Variants in CSRNP3 observed in about 807,000 individuals in gnomAD.
CSRNP3 encodes cysteine/serine-rich nuclear protein 3.
CSRNP3 carries 12 observed loss-of-function variants against 48.0 expected under a neutral mutation model. The ratio of observed to expected loss-of-function variants is 0.25; its 90% CI spans 0.16 to 0.41. The LOEUF is 0.41. Among genes scored for constraint, CSRNP3 ranks in the 10% least tolerant of loss-of-function variants. CSRNP3 has a pLI of 1.00. For missense variants in CSRNP3, 580 were observed against 724.4 expected (o/e 0.80, Z 2.29); for synonymous variants, 263 against 269.7 (o/e 0.98, Z 0.24).
intron 3 of CSRNP3, among the ~76,000 whole-genome samples, chr2:165,565,927 A>G (rs1030496835): frequency 4.6e-5 from 7 of 151,808 alleles, no homozygotes; most frequent in Non-Finnish European, 7.4e-5. Flanking sequence ...CAAAATAAGC[A>G]CTCTTTGTTC....
intron 5 of CSRNP3, among the ~76,000 whole-genome samples, chr2:165,667,529 A>G (rs1000511221): frequency 7.2e-5 from 11 of 152,190 alleles, no homozygotes; most frequent in African/African-American, 1.9e-4. Context: ...CTGCACAACC[A>G]TAACTTCAAG....
At chr2:165,674,178 C>T (rs1229855645) in intron 5 of CSRNP3, among the ~76,000 whole-genome samples, 2 of 151,962 alleles carry the variant, frequency 1.3e-5, no homozygotes, top group African/African-American at 4.8e-5. Context: ...ATCATGCTAC[C>T]CAAGTCCTGG....
At chr2:165,495,923 C>T (rs968558902) in intron 2 of CSRNP3, among the ~76,000 whole-genome samples, 4 of 151,756 alleles carry the variant, frequency 2.6e-5, no homozygotes, top group East Asian at 1.9e-4. Flanking sequence ...TGTAGCAAGC[C>T]GATATGGCAC....
At chr2:165,561,962 TATTA>T (rs1295397571) in intron 3 of CSRNP3, among the ~76,000 whole-genome samples, 2 of 152,154 alleles carry the variant, frequency 1.3e-5, no homozygotes, top group African/African-American at 2.4e-5. Flanking sequence ...TTATATGTAA[TATTA>T]ATTAACACAT....
intron 4 of CSRNP3, among the ~76,000 whole-genome samples, chr2:165,615,985 C>T (rs1355358420): frequency 1.3e-5 from 2 of 150,286 alleles, no homozygotes; most frequent in Non-Finnish European, 2.9e-5. Flanking sequence ...CCTGCCTCAG[C>T]CTTCTGAGTC....
rs115735670 is a variant in CSRNP3, at chr2:165,588,360, A to G, written c.-23-6683A>G. 6.4e-3 allele frequency among the ~76,000 whole-genome samples: 976 copies of G among 152,336 alleles called. 10 individuals are homozygous for G. The highest frequency in any genetic ancestry group is 0.023 in the African/African-American group (942 of 41,568). ...TCCTAAGGCAATCTGAAGCTACTTA[A>G]GAGTTTTAAGCCATAGACTGACATG... On this transcript the variant is annotated intron_variant, in intron 3 of 6. Transcript: ENST00000651982.
intron 3 of CSRNP3, chr2:165,574,347 T>C: frequency 6.5e-7 from 1 of 1,549,472 alleles, no homozygotes; most frequent in Middle Eastern, 1.7e-4. Context: ...AGCAGTGTTT[T>C]GCAGCAGTTA....
chr2:165,599,304 A>AGAAAGAAAGAAAGAAG, intron 4 of CSRNP3, among the ~76,000 whole-genome samples: 4 of 150,896 alleles, frequency 2.7e-5, no homozygotes, highest in African/African-American at 9.8e-5. Flanking sequence ...AAAGAAAGAA[A>AGAAAGAAAGAAAGAAG]GAAAGAAAGA....
Position 165,687,626 on chromosome 2 carries a change from A to G in CSRNP3, c.*7873A>G, listed in dbSNP as rs1687651459. 2 of 152,050 alleles carry G rather than the reference A, an allele frequency of 1.3e-5. No individual in the cohort carries two copies. The highest frequency in any genetic ancestry group is 4.8e-5 in the African/African-American group (2 of 41,422). The allele number at this position is 152,050 out of a possible 1,614,324, so 9.4% of individuals were successfully genotyped here. ...CTGATGGAATAAAATGACTCCAGAG[A>G]TTTACACAGCCACCATTTGATCCCA... On this transcript the variant is annotated 3_prime_UTR_variant, in exon 7 of 7. Transcript: ENST00000651982.
At position 165,682,366 on chromosome 2, in the gene CSRNP3, C is replaced by A. The variant is rs558194703; in HGVS notation, c.*2613C>A. The A allele has an allele frequency of 6.6e-6, 1 of 152,178 alleles. No individual in the cohort carries two copies. The highest frequency in any genetic ancestry group is 2.4e-5 in the African/African-American group (1 of 41,532). 9.4% of individuals were successfully genotyped at this position (152,178 alleles called of 1,614,324 possible). On this transcript the variant is annotated 3_prime_UTR_variant, in exon 7 of 7. Transcript: ENST00000651982. The stretch of plus-strand genomic sequence containing the variant: ...CTATTCCAACTTTTCATATACCTGA[C>A]TAACCTGTAAACATATCCCACAAAC...
At position 165,599,283 on chromosome 2, in the gene CSRNP3, G is replaced by GAGAGAGAAAGAA. The variant is rs1553478328; in HGVS notation, c.148+4073_148+4074insGAGAAAGAAAGA. On this transcript the variant is annotated intron_variant, in intron 4 of 6. Coordinates refer to ENST00000651982, the MANE Select transcript of CSRNP3 (RefSeq NM_001172173.2). The stretch of plus-strand genomic sequence containing the variant: ...AAAGAAAAAGAAAGAAAGAGAGAGA[G>GAGAGAGAAAGAA]AGAAAGAAAGAAAGAAAGAAAGAAA... Among the ~76,000 whole-genome samples the GAGAGAGAAAGAA allele has an allele frequency of 8.4e-4, 88 of 104,826 alleles. 1 individual carries two copies. The highest frequency in any genetic ancestry group is 1.4e-3 in the South Asian group (4 of 2,818). 68.8% of individuals were successfully genotyped at this position (104,826 alleles called of 152,430 possible). A position where few individuals can be genotyped will look rare whatever the true frequency, so the allele number is the denominator to read the frequency against.
chr2:165,580,915 G>A (rs1275401185), intron 3 of CSRNP3, among the ~76,000 whole-genome samples: 2 of 151,686 alleles, frequency 1.3e-5, no homozygotes, highest in Non-Finnish European at 2.9e-5. Flanking sequence ...AAGGAATTAG[G>A]CTAAGTACTA....
intron 3 of CSRNP3, among the ~76,000 whole-genome samples, chr2:165,537,186 C>T (rs1025892579): frequency 6.6e-6 from 1 of 151,360 alleles, no homozygotes; most frequent in Non-Finnish European, 1.5e-5. Flanking sequence ...GCTAACAAAC[C>T]CAACTGTTAC....
At chr2:165,542,920 C>A (rs1176343891) in intron 3 of CSRNP3, among the ~76,000 whole-genome samples, 1 of 152,102 alleles carries the variant, frequency 6.6e-6, no homozygotes, top group Non-Finnish European at 1.5e-5. Flanking sequence ...TAGCAAATCC[C>A]AATTTTTTTC....
intron 3 of CSRNP3, among the ~76,000 whole-genome samples, chr2:165,547,302 G>T (rs1355737357): frequency 6.6e-6 from 1 of 152,146 alleles, no homozygotes; most frequent in Non-Finnish European, 1.5e-5. Flanking sequence ...TGGAGAATGT[G>T]TTTCTGGACA....
intron 4 of CSRNP3, among the ~76,000 whole-genome samples, chr2:165,655,442 C>A (rs1282239950): frequency 6.6e-6 from 1 of 152,136 alleles, no homozygotes; most frequent in African/African-American, 2.4e-5. Flanking sequence ...TGAGATAATT[C>A]ATGTAAAGTT....
intron 1 of CSRNP3, among the ~76,000 whole-genome samples, chr2:165,471,607 C>T (rs1248367536): frequency 1.3e-5 from 2 of 151,918 alleles, no homozygotes; most frequent in African/African-American, 4.8e-5. Context: ...AAAATATCAC[C>T]CTTTTAATAA....
intron 4 of CSRNP3, among the ~76,000 whole-genome samples, chr2:165,617,070 T>A (rs1004714858): frequency 6.6e-6 from 1 of 152,094 alleles, no homozygotes; most frequent in Non-Finnish European, 1.5e-5. Context: ...ATTTTCTAAT[T>A]TTTTTATTGT....
intron 3 of CSRNP3, among the ~76,000 whole-genome samples, chr2:165,580,872 T>C (rs1176158090): frequency 6.6e-6 from 1 of 151,992 alleles, no homozygotes; most frequent in Non-Finnish European, 1.5e-5. Flanking sequence ...TTGTTTTTTT[T>C]TTCCTCAATG....
Sources: gnomAD v4.1 joint callset for allele counts (sites outside exome capture counted in the v4.1 genomes callset) on GRCh38, gnomAD v4.1.1 for gene constraint, MANE v1.5 for transcripts, NCBI Gene and HGNC (gene_info 2026-07-23, HGNC 2026-07-21) for gene names.